Variants in VCAN observed in about 807,000 individuals in gnomAD.
The protein encoded by VCAN is versican core protein.
In VCAN, 44 loss-of-function variants were observed where a neutral mutation model predicts 245.5. That is an observed-to-expected ratio of 0.18 (90% CI 0.14 to 0.23). The LOEUF (loss-of-function observed/expected upper bound fraction) is 0.23, where lower values mean the gene tolerates loss of function less well. VCAN is among the 10% of genes least tolerant of loss of function. VCAN has a pLI of 1.00. For missense variants in VCAN, 3,793 were observed against 4,057.9 expected (o/e 0.93, Z 1.77); for synonymous variants, 1,413 against 1,437.0 (o/e 0.98, Z 0.38).
At chr5:83,578,084 C>G (rs1466623275) in intron 13 of VCAN, among the ~76,000 whole-genome samples, 2 of 152,076 alleles carry the variant, frequency 1.3e-5, no homozygotes, top group Admixed American at 1.3e-4. Context: ...TTGCTATTGT[C>G]TGGACCCTAG....
chr5:83,535,094 A>G (rs1746655598), intron 7 of VCAN, among the ~76,000 whole-genome samples: 1 of 152,114 alleles, frequency 6.6e-6, no homozygotes, highest in Non-Finnish European at 1.5e-5. Context: ...CAATTGCAAC[A>G]TCTGTGTCAG....
chr5:83,494,745 G>A (rs1400377923), intron 5 of VCAN, among the ~76,000 whole-genome samples: 2 of 152,182 alleles, frequency 1.3e-5, no homozygotes, highest in Non-Finnish European at 2.9e-5. Context: ...TTCAGTTCAG[G>A]AGTTTGAGAC....
At chr5:83,507,498 G>A (rs1745517792) in intron 5 of VCAN, among the ~76,000 whole-genome samples, 1 of 152,168 alleles carries the variant, frequency 6.6e-6, no homozygotes, top group African/African-American at 2.4e-5. Flanking sequence ...ATACCCTCTG[G>A]GTAGGAGCTT....
chr5:83,511,389 C>T (rs1745650967), intron 5 of VCAN, among the ~76,000 whole-genome samples: 1 of 152,000 alleles, frequency 6.6e-6, no homozygotes, highest in Admixed American at 6.6e-5. Context: ...GCTGGAGTTC[C>T]TTTGGCTGGC....
Position 83,543,066 on chromosome 5 carries a change from T to C in VCAN, c.9265+798T>C, listed in dbSNP as rs181220066. Among the ~76,000 whole-genome samples, 180 of 152,352 alleles carry C rather than the reference T, an allele frequency of 1.2e-3. 1 individual carries two copies. The highest frequency in any genetic ancestry group is 0.011 in the East Asian group (57 of 5,184). ...GCCACATTGTGGTAAAAGTAGGATT[T>C]GAACCCAGCTTAGCTCCACTCTAAA... On this transcript the variant is annotated intron_variant, in intron 8 of 14. Coordinates refer to ENST00000265077, the MANE Select transcript of VCAN (RefSeq NM_004385.5).
At chr5:83,506,048 C>T (rs1253633807) in intron 5 of VCAN, among the ~76,000 whole-genome samples, 7 of 152,188 alleles carry the variant, frequency 4.6e-5, no homozygotes, top group Non-Finnish European at 7.4e-5. Context: ...TGGGCCTGGC[C>T]CATGAAACCA....
chr5:83,539,722 T>A lies in VCAN; in HGVS notation c.6719T>A (p.Met2240Lys). ...EESTKHFPKG[M>K]RPTIQESDTE... ...AGTACAAAACATTTTCCGAAAGGCA[T>A]GAGACCAACAATTCAAGAGTCAGAT... Residue 2240 changes from methionine to lysine, a missense_variant, in exon 8 of 15, where the codon ATG (methionine) becomes AAG (lysine). Met to Lys is a moderately conservative substitution (Grantham distance 95). Around this residue, in one of 5 missense-constraint regions of VCAN, gnomAD observed 3,182 missense variants for 3,250.3 expected, o/e 0.98. Coordinates refer to ENST00000265077, the MANE Select transcript of VCAN (RefSeq NM_004385.5). 6 of 1,613,740 alleles carry A rather than the reference T, an allele frequency of 3.7e-6. No homozygotes were observed. The highest frequency in any genetic ancestry group is 5.1e-6 in the Non-Finnish European group (6 of 1,179,940).
At chr5:83,501,120 T>C (rs2112371417) in intron 5 of VCAN, among the ~76,000 whole-genome samples, 1 of 152,326 alleles carries the variant, frequency 6.6e-6, no homozygotes, top group East Asian at 1.9e-4. Context: ...GGTAGAACTG[T>C]CTACTCTGAA....
At position 83,540,930 on chromosome 5, in the gene VCAN, C is replaced by T; in HGVS notation, c.7927C>T (p.Leu2643=). 1 of 1,613,990 alleles carries T rather than the reference C, an allele frequency of 6.2e-7. No individual in the cohort carries two copies. Among genetic ancestry groups the T allele is most frequent in the Non-Finnish European group, 8.5e-7 (1 of 1,179,964 alleles). ...EETFEGSADV[L]ASYTQATHDE... ...AACATTTGAGGGCTCTGCTGATGTTCTGGCTAGCTACACTCAGGCAACACA... is the reference window on the plus strand; with the variant it reads ...AACATTTGAGGGCTCTGCTGATGTTTTGGCTAGCTACACTCAGGCAACACA... The change falls in exon 8 of 15, where the codon CTG becomes TTG. Residue 2643 remains leucine (L), a synonymous_variant. Coordinates refer to ENST00000265077, the MANE Select transcript of VCAN (RefSeq NM_004385.5).
chr5:83,569,363 T>G (rs1244966614), intron 12 of VCAN, among the ~76,000 whole-genome samples: 4 of 152,154 alleles, frequency 2.6e-5, no homozygotes, highest in Non-Finnish European at 5.9e-5. Context: ...TTGGTGTGGG[T>G]TGGGAAGAAT....
chr5:83,573,057 A>G (rs1244179534), intron 13 of VCAN, among the ~76,000 whole-genome samples: 2 of 151,194 alleles, frequency 1.3e-5, no homozygotes, highest in African/African-American at 4.9e-5. Flanking sequence ...GCACCATCAC[A>G]CCCAGCTAAT....
intron 3 of VCAN, among the ~76,000 whole-genome samples, chr5:83,491,849 A>T (rs1744992170): frequency 6.6e-6 from 1 of 152,206 alleles, no homozygotes; most frequent in East Asian, 1.9e-4. Flanking sequence ...AAGATTTTTA[A>T]TTACCAAGAA....
intron 7 of VCAN, among the ~76,000 whole-genome samples, chr5:83,533,106 T>C (rs1253209910): frequency 6.6e-6 from 1 of 152,182 alleles, no homozygotes; most frequent in East Asian, 1.9e-4. Flanking sequence ...CTATCATACT[T>C]ATTAAATGAG....
chr5:83,563,814 C>T (rs543717561), intron 12 of VCAN, among the ~76,000 whole-genome samples: 20 of 152,212 alleles, frequency 1.3e-4, no homozygotes, highest in South Asian at 2.1e-4. Context: ...TAAATTTTTA[C>T]GGAAAAACAA....
At chr5:83,506,668 G>A (rs964599063) in intron 5 of VCAN, among the ~76,000 whole-genome samples, 4 of 152,028 alleles carry the variant, frequency 2.6e-5, no homozygotes, top group Admixed American at 6.6e-5. Flanking sequence ...ACATTTTCGG[G>A]TATCTTTTCA....
At chr5:83,559,429 C>T (rs774863671) in intron 12 of VCAN, among the ~76,000 whole-genome samples, 33 of 152,082 alleles carry the variant, frequency 2.2e-4, no homozygotes, top group African/African-American at 3.6e-4. Flanking sequence ...CAATCCACTC[C>T]GTCTGCCACT....
At position 83,540,565 on chromosome 5, in the gene VCAN, A is replaced by C; in HGVS notation, c.7562A>C (p.Gln2521Pro). 1.9e-6 allele frequency: 3 copies of C among 1,614,002 alleles called. No individual in the cohort carries two copies. The highest frequency in any genetic ancestry group is 2.5e-6 in the Non-Finnish European group (3 of 1,179,942). The change falls in exon 8 of 15, where the codon CAA (glutamine) becomes CCA (proline). Residue 2521 changes from glutamine to proline, a missense_variant. Transcript: ENST00000265077. Reference protein sequence around the residue: ...SYERSTDGSFQDRFREFEDST... With the variant: ...SYERSTDGSFPDRFREFEDST... ...GAGAGGTCCACAGACGGTAGTTTCC[A>C]AGACCGTTTCAGGGAATTCGAGGAT...
At position 83,537,410 on chromosome 5, in the gene VCAN, A is replaced by G; in HGVS notation, c.4407A>G (p.Glu1469=). The G allele has an allele frequency of 6.2e-7, 1 of 1,613,902 alleles. No individual in the cohort carries two copies. Among genetic ancestry groups the G allele is most frequent in the African/African-American group, 1.3e-5 (1 of 75,012 alleles). The change falls in exon 8 of 15, where the codon GAA becomes GAG. Residue 1469 remains glutamate (E), a synonymous_variant. Coordinates refer to ENST00000265077, the MANE Select transcript of VCAN (RefSeq NM_004385.5). ...TGTCTACTGCTGTGCAACCTAATGA[A>G]TCTACAGAAACAACTGAGTCTCTTG... ...TELSTAVQPN[E]STETTESLEV... is the part of the protein sequence containing the mutation.
At chr5:83,511,082 G>T (rs1229902671) in intron 5 of VCAN, among the ~76,000 whole-genome samples, 1 of 151,552 alleles carries the variant, frequency 6.6e-6, no homozygotes, top group African/African-American at 2.4e-5. Context: ...CCACTGCACT[G>T]CAGCCTGGGC....
Sources: gnomAD v4.1 joint callset for allele counts (sites outside exome capture counted in the v4.1 genomes callset) on GRCh38, gnomAD v4.1.1 for gene constraint, gnomAD v4.1.1 regional missense constraint, MANE v1.5 for transcripts, NCBI Gene and HGNC (gene_info 2026-07-23, HGNC 2026-07-21) for gene names.